GAS7: variants seen among roughly 807,000 people sequenced by gnomAD.
The protein encoded by GAS7 is growth arrest-specific protein 7.
Under a neutral mutation model 71.1 loss-of-function variants are expected in GAS7, and 28 were observed. The observed-to-expected ratio is 0.39, with a 90% CI of 0.29 to 0.54. The LOEUF is 0.54. GAS7 is among the 20% of genes least tolerant of loss of function. The pLI, the probability that GAS7 is intolerant of heterozygous loss-of-function variation, is 0.62. For synonymous variants in GAS7, 258 were observed against 245.8 expected (o/e 1.05, Z -0.46); for missense variants, 436 against 627.8 (o/e 0.69, Z 3.27).
At chr17:9,997,703 G>T (rs2152155639) in intron 2 of GAS7, among the ~76,000 whole-genome samples, 1 of 152,344 alleles carries the variant, frequency 6.6e-6, no homozygotes, top group Non-Finnish European at 1.5e-5. Flanking sequence ...GCAGCAGGTT[G>T]TCACCTACAC....
At chr17:10,098,887 C>T (rs1384872450) in intron 1 of GAS7, among the ~76,000 whole-genome samples, 2 of 152,102 alleles carry the variant, frequency 1.3e-5, no homozygotes, top group East Asian at 3.9e-4. Context: ...ACCCGGTAGG[C>T]GGAGCTTGCA....
chr17:10,002,916 G>A (rs1356231668), intron 2 of GAS7, among the ~76,000 whole-genome samples: 1 of 152,154 alleles, frequency 6.6e-6, no homozygotes, highest in Non-Finnish European at 1.5e-5. Flanking sequence ...AATTCTTTGG[G>A]TATATACCCA....
chr17:10,179,260 C>T (rs952861707), intron 1 of GAS7, among the ~76,000 whole-genome samples: 7 of 151,472 alleles, frequency 4.6e-5, no homozygotes, highest in African/African-American at 1.7e-4. Context: ...AGCTGGGAGG[C>T]GGATGTTGCA....
chr17:10,144,215 T>C (rs1272670717), intron 1 of GAS7, among the ~76,000 whole-genome samples: 3 of 152,230 alleles, frequency 2.0e-5, no homozygotes, highest in Non-Finnish European at 4.4e-5. Flanking sequence ...GCTGGGGACT[T>C]TGCAGCTGTG....
rs150625289 is a variant in GAS7, at chr17:10,132,291, T to C, written c.183+65917A>G. Among the ~76,000 whole-genome samples, 14 of 106,116 alleles carry C rather than the reference T, an allele frequency of 1.3e-4. No individual in the cohort carries two copies. The East Asian group carries it at 1.4e-3, about 10-fold the overall frequency. The allele number at this position is 106,116 out of a possible 152,430, so 69.6% of individuals were successfully genotyped here. A position where few individuals can be genotyped will look rare whatever the true frequency, so the allele number is the denominator to read the frequency against. The stretch of plus-strand genomic sequence containing the variant: ...TACCTGATCTTTGCTCAGGTGATGA[T>C]AGCTGGCACCTTCTCCCCTGAAGAA... On this transcript the variant is annotated intron_variant, in intron 1 of 13. Coordinates refer to ENST00000432992, the MANE Select transcript of GAS7 (RefSeq NM_201433.2).
chr17:10,126,365 T>TGCACACACGC (rs1567602237), intron 1 of GAS7, among the ~76,000 whole-genome samples: 1 of 138,660 alleles, frequency 7.2e-6, no homozygotes, highest in Non-Finnish European at 1.6e-5. Context: ...CACACACTCT[T>TGCACACACGC]GCACACACAC....
rs1173204223 is a variant in GAS7, at chr17:9,946,886, C to G, written c.615+8G>C. 2 of 1,597,586 alleles carry G rather than the reference C, an allele frequency of 1.3e-6. No homozygotes were observed. The highest frequency in any genetic ancestry group is 1.3e-5 in the African/African-American group (1 of 74,522). ...TCACGCTGTGGGGGAAACTGAGGCG[C>G]TGCTTACCCAGAAGTAGTCGCAGTA... On this transcript the variant is annotated splice_region_variant and intron_variant, in intron 6 of 13. Transcript: ENST00000432992.
chr17:10,167,439 C>A (rs1471836878), intron 1 of GAS7, among the ~76,000 whole-genome samples: 1 of 152,122 alleles, frequency 6.6e-6, no homozygotes, highest in Non-Finnish European at 1.5e-5. Flanking sequence ...AAAATATAAA[C>A]CTCACGTGGG....
chr17:10,088,229 T>TAATAATAAC (rs2073542469), intron 1 of GAS7, among the ~76,000 whole-genome samples: 1 of 145,308 alleles, frequency 6.9e-6, no homozygotes. Flanking sequence ...TCAATAATAA[T>TAATAATAAC]AATAATAATA....
At chr17:10,023,524 G>C (rs146397314) in intron 1 of GAS7, among the ~76,000 whole-genome samples, 1 of 152,132 alleles carries the variant, frequency 6.6e-6, no homozygotes, top group East Asian at 1.9e-4. Flanking sequence ...AAATGGAGCC[G>C]TGATACATGC....
In GAS7 at chr17:10,026,173, CG is replaced by C. The variant is rs773217831; in HGVS notation, c.184-6277del. 225 of 985,370 alleles carry C rather than the reference CG, an allele frequency of 2.3e-4. No homozygotes were observed. Among genetic ancestry groups the C allele is most frequent in the Non-Finnish European group, 2.7e-4 (222 of 829,928 alleles). The allele number at this position is 985,370 out of a possible 1,614,324, so 61.0% of individuals were successfully genotyped here. A position where few individuals can be genotyped will look rare whatever the true frequency, so the allele number is the denominator to read the frequency against. On this transcript the variant is annotated intron_variant, in intron 1 of 13. Transcript: ENST00000432992. The surrounding 1 kb of genome is among the most constrained non-coding windows in gnomAD (Gnocchi z 4.5). ...ACCTTATCCTAAAGCCGTGAGCAAA[CG>C]CTACTCGCTGGTGTTAATGGGTGGT...
intron 5 of GAS7, among the ~76,000 whole-genome samples, chr17:9,955,188 A>G (rs552014974): frequency 6.6e-6 from 1 of 152,318 alleles, no homozygotes; most frequent in East Asian, 1.9e-4. Context: ...AGGGCCACAC[A>G]GCTCCACCCT....
At chr17:10,178,982 T>C (rs952889943) in intron 1 of GAS7, among the ~76,000 whole-genome samples, 1 of 151,882 alleles carries the variant, frequency 6.6e-6, no homozygotes, top group Non-Finnish European at 1.5e-5. Context: ...AAAACTGTAG[T>C]CGACTGGCTG....
At chr17:9,933,340 T>A (rs895895079) in intron 9 of GAS7, among the ~76,000 whole-genome samples, 1 of 152,124 alleles carries the variant, frequency 6.6e-6, no homozygotes, top group African/African-American at 2.4e-5. Context: ...TCCTACTCCA[T>A]CCCTTTGAAA....
rs150700039 is a variant in GAS7, at chr17:10,024,186, T to C, written c.184-4289A>G. ...TTCTGCCTTCTGCGAAGGCAGAAGT[T>C]AGACCTTCCTACCTTCAAGTCTTCA... is the stretch of plus-strand genomic sequence containing the variant. On this transcript the variant is annotated intron_variant, in intron 1 of 13. Transcript: ENST00000432992. Among the ~76,000 whole-genome samples, 748 of 152,278 alleles carry C rather than the reference T, an allele frequency of 4.9e-3. 6 individuals carry two copies. Among genetic ancestry groups the C allele is most frequent in the Middle Eastern group, 0.02 (6 of 294 alleles).
Position 9,916,109 on chromosome 17 carries a change from G to A in GAS7, c.*1119C>T, listed in dbSNP as rs2067574911. The stretch of plus-strand genomic sequence containing the variant: ...GGCCACAAGAGAGTCTGCTATGCCT[G>A]TCCAGTGCCCACCAGTGACAGAAAA... On this transcript the variant is annotated 3_prime_UTR_variant, in exon 14 of 14. Transcript: ENST00000432992. 8.6e-6 allele frequency: 2 copies of A among 232,942 alleles called. No individual in the cohort carries two copies. Among genetic ancestry groups the A allele is most frequent in the Admixed American group, 1.1e-4 (2 of 17,778 alleles). The allele number at this position is 232,942 out of a possible 1,614,324, so 14.4% of individuals were successfully genotyped here. A position where few individuals can be genotyped will look rare whatever the true frequency, so the allele number is the denominator to read the frequency against.
intron 1 of GAS7, among the ~76,000 whole-genome samples, chr17:10,093,284 AG>A (rs2073603968): frequency 6.6e-6 from 1 of 152,154 alleles, no homozygotes; most frequent in African/African-American, 2.4e-5. Context: ...GTTTTTTAAA[AG>A]GCTGAAAAGC....
chr17:10,130,543 C>T (rs2073989417), intron 1 of GAS7, among the ~76,000 whole-genome samples: 1 of 152,146 alleles, frequency 6.6e-6, no homozygotes, highest in African/African-American at 2.4e-5. Context: ...AAAACATGTA[C>T]ACAAACGTTC....
rs555458396 is a variant in GAS7 at position 9,971,903 on chromosome 17, C to T, written c.386-2141G>A. The stretch of plus-strand genomic sequence containing the variant: ...CGTTGGGCAATGGGATGATGAAGCC[C>T]GTTCCACGGAGAACCCGTCTCCTGC... On this transcript the variant is annotated intron_variant, in intron 3 of 13. Coordinates refer to ENST00000432992, the MANE Select transcript of GAS7 (RefSeq NM_201433.2). Among the ~76,000 whole-genome samples the T allele has an allele frequency of 3.9e-5, 6 of 152,288 alleles. No homozygotes were observed. The South Asian group carries it at 6.2e-4, about 16-fold the overall frequency.
Sources: gnomAD v4.1 joint callset for allele counts (sites outside exome capture counted in the v4.1 genomes callset) on GRCh38, gnomAD v4.1.1 for gene constraint, Gnocchi (gnomAD v3.1) non-coding constraint, MANE v1.5 for transcripts, NCBI Gene and HGNC (gene_info 2026-07-23, HGNC 2026-07-21) for gene names.